The following AKAP13 variants were observed in gnomAD, a reference collection of about 807,000 sequenced individuals.
The protein encoded by AKAP13 is A-kinase anchor protein 13.
Under a neutral mutation model 264.5 loss-of-function variants are expected in AKAP13, and 80 were observed. The ratio of observed to expected loss-of-function variants is 0.30; its 90% CI spans 0.25 to 0.36. AKAP13 has a LOEUF of 0.36. Among genes scored for constraint, AKAP13 ranks in the 10% least tolerant of loss-of-function variants. The pLI is 1.00. For synonymous variants in AKAP13, 1,380 were observed against 1,250.2 expected (o/e 1.10, Z -2.19); for missense variants, 3,712 against 3,435.2 (o/e 1.08, Z -2.01).
intron 16 of AKAP13, chr15:85,690,007 C>T (rs1263496451): frequency 6.6e-6 from 1 of 152,282 alleles, no homozygotes; most frequent in East Asian, 1.9e-4. Context: ...TGAGAGCACG[C>T]TTCCTGGCAT....
At chr15:85,594,400 A>G (rs1047860874) in intron 8 of AKAP13, among the ~76,000 whole-genome samples, 8 of 152,232 alleles carry the variant, frequency 5.3e-5, no homozygotes, top group African/African-American at 1.7e-4. Context: ...AGGTAAACAT[A>G]TAGGTGCTTG....
rs182123144 is a variant in AKAP13, at chr15:85,625,500, A to C, written c.4162-13874A>C. On this transcript the variant is annotated intron_variant, in intron 8 of 36. Transcript: ENST00000394518. ...TGAATCACGTTTGGAAAAGAGACTA[A>C]CATGAGAACAGGATCCCTTTAATGA... Among the ~76,000 whole-genome samples the C allele has an allele frequency of 3.0e-3, 454 of 152,320 alleles. 1 individual carries two copies. Among genetic ancestry groups the C allele is most frequent in the Non-Finnish European group, 5.1e-3 (349 of 68,028 alleles).
intron 8 of AKAP13, chr15:85,621,414 CTG>C (rs2081179491): frequency 6.6e-6 from 1 of 152,190 alleles, no homozygotes; most frequent in Non-Finnish European, 1.5e-5. Context: ...GTGATTTTCT[CTG>C]TGAGATCACG....
intron 2 of AKAP13, among the ~76,000 whole-genome samples, chr15:85,495,200 G>C (rs1045960149): frequency 6.6e-6 from 1 of 152,056 alleles, no homozygotes; most frequent in African/African-American, 2.4e-5. Flanking sequence ...CCAAGGCCCT[G>C]GAACAGTAAG....
intron 5 of AKAP13, among the ~76,000 whole-genome samples, chr15:85,564,152 C>T (rs1207429911): frequency 6.6e-6 from 1 of 152,154 alleles, no homozygotes; most frequent in Non-Finnish European, 1.5e-5. Context: ...TTCTTCCCTA[C>T]CTTTAGTAAG....
At chr15:85,706,778 G>T (rs1352179115) in intron 17 of AKAP13, among the ~76,000 whole-genome samples, 1 of 152,144 alleles carries the variant, frequency 6.6e-6, no homozygotes, top group Non-Finnish European at 1.5e-5. Context: ...CCCAGAGAGG[G>T]GATAGAGAAA....
intron 8 of AKAP13, among the ~76,000 whole-genome samples, chr15:85,630,939 A>G (rs1302611452): frequency 3.3e-5 from 5 of 152,202 alleles, no homozygotes; most frequent in African/African-American, 1.2e-4. Context: ...AGGAGAATTG[A>G]AAACATGTCC....
intron 14 of AKAP13, among the ~76,000 whole-genome samples, chr15:85,680,306 G>GATTT (rs1257995760): frequency 6.6e-6 from 1 of 151,908 alleles, no homozygotes; most frequent in Non-Finnish European, 1.5e-5. Context: ...CTATCCTCTT[G>GATTT]ATTTTTTTTT....
At chr15:85,627,489 T>C (rs983218634) in intron 8 of AKAP13, 2 of 152,292 alleles carry the variant, frequency 1.3e-5, no homozygotes, top group Admixed American at 6.5e-5. Context: ...GTGTGTTTCC[T>C]TCCTCCCTAC....
intron 25 of AKAP13, 104 bp downstream of exon 25, chr15:85,722,451 T>A: frequency 1.1e-6 from 1 of 929,712 alleles, no homozygotes; most frequent in South Asian, 2.1e-5. Flanking sequence ...CTTTAGTATG[T>A]CTAAAAGAGA....
intron 5 of AKAP13, among the ~76,000 whole-genome samples, chr15:85,553,308 G>A (rs2151239284): frequency 6.6e-6 from 1 of 152,036 alleles, no homozygotes; most frequent in East Asian, 1.9e-4. Context: ...GGCTGGTCTT[G>A]AACTCCTGAC....
intron 1 of AKAP13, among the ~76,000 whole-genome samples, chr15:85,458,306 C>T (rs775857255): frequency 6.6e-6 from 1 of 151,174 alleles, no homozygotes; most frequent in Non-Finnish European, 1.5e-5. Flanking sequence ...GAAAATTACC[C>T]ATAATTGTAA....
At chr15:85,612,204 G>A (rs1003413258) in intron 8 of AKAP13, among the ~76,000 whole-genome samples, 1 of 152,102 alleles carries the variant, frequency 6.6e-6, no homozygotes, top group Non-Finnish European at 1.5e-5. Context: ...CATGTTTAGT[G>A]TTCTTGGCCC....
chr15:85,736,421 T>TTTTGTTTG (rs145901490), intron 33 of AKAP13, among the ~76,000 whole-genome samples: 7 of 143,452 alleles, frequency 4.9e-5, no homozygotes, highest in Non-Finnish European at 8.0e-5. Flanking sequence ...CTTGCTGTTT[T>TTTTGTTTG]TTTGTTTGTT....
At chr15:85,389,454 A>T (rs980905640) in intron 1 of AKAP13, among the ~76,000 whole-genome samples, 1 of 152,302 alleles carries the variant, frequency 6.6e-6, no homozygotes, top group East Asian at 1.9e-4. Context: ...GCTCTAAAGG[A>T]TGCTGCCTCA....
chr15:85,495,510 A>G (rs994082290), intron 2 of AKAP13, among the ~76,000 whole-genome samples: 2 of 152,178 alleles, frequency 1.3e-5, no homozygotes, highest in Non-Finnish European at 2.9e-5. Context: ...CTTAAGATTT[A>G]TGGTCTATTG....
intron 1 of AKAP13, among the ~76,000 whole-genome samples, chr15:85,457,116 A>G (rs2074307854): frequency 1.3e-5 from 2 of 152,340 alleles, no homozygotes; most frequent in East Asian, 1.9e-4. Flanking sequence ...GAATTGCCCC[A>G]GACCTCATAG....
Position 85,515,408 on chromosome 15 carries a change from G to A in AKAP13, c.34-6020G>A, listed in dbSNP as rs1223300461. ...CCCTTTACTCCAAACGCTTTGTTGTGTGGTTTCTGAGAACAAAGGTGTTCT... is the reference window on the plus strand; with the variant it reads ...CCCTTTACTCCAAACGCTTTGTTGTATGGTTTCTGAGAACAAAGGTGTTCT... On this transcript the variant is annotated intron_variant, in intron 2 of 36. Coordinates refer to ENST00000394518, the MANE Select transcript of AKAP13 (RefSeq NM_007200.5). Among the ~76,000 whole-genome samples the A allele has an allele frequency of 2.2e-5, 3 of 138,262 alleles. 1 individual carries two copies. The highest frequency in any genetic ancestry group is 1.5e-4 in the Admixed American group (2 of 13,728). 90.7% of individuals were successfully genotyped at this position (138,262 alleles called of 152,430 possible).
chr15:85,418,491 T>G (rs1222207022), intron 1 of AKAP13, among the ~76,000 whole-genome samples: 3 of 152,232 alleles, frequency 2.0e-5, no homozygotes, highest in African/African-American at 7.2e-5. Context: ...AATTGAGATG[T>G]GGCTGGTGGC....
Sources: gnomAD v4.1 joint callset for allele counts (sites outside exome capture counted in the v4.1 genomes callset) on GRCh38, gnomAD v4.1.1 for gene constraint, MANE v1.5 for transcripts, NCBI Gene and HGNC (gene_info 2026-07-23, HGNC 2026-07-21) for gene names.